CD101: variants seen among roughly 807,000 people sequenced by gnomAD.
The protein encoded by CD101 is immunoglobulin superfamily member 2.
In CD101, 76 loss-of-function variants were observed where a neutral mutation model predicts 98.2. The observed-to-expected ratio is 0.77, with a 90% CI of 0.64 to 0.94. The LOEUF (loss-of-function observed/expected upper bound fraction) is 0.94. CD101 is among the 40% of genes least tolerant of loss of function. CD101 has a pLI of 0.00. For missense variants in CD101, 1,145 were observed against 1,218.8 expected (o/e 0.94, Z 0.90); for synonymous variants, 471 against 472.7 (o/e 1.00, Z 0.05).
chr1:117,034,846 G>A (rs906290251), intron 9 of CD101, among the ~76,000 whole-genome samples: 17 of 152,042 alleles, frequency 1.1e-4, no homozygotes, highest in Admixed American at 4.6e-4. Context: ...CCAAGGCCTC[G>A]TACCCCTGCT....
intron 4 of CD101, among the ~76,000 whole-genome samples, chr1:117,014,806 A>G (rs1283162848): frequency 6.6e-6 from 1 of 152,218 alleles, no homozygotes; most frequent in Non-Finnish European, 1.5e-5. Flanking sequence ...TATGCCATTT[A>G]CTAGGAATGA....
Position 117,022,026 on chromosome 1 carries a change from C to T in CD101, c.2428+43C>T, listed in dbSNP as rs375637332. On this transcript the variant is annotated intron_variant, in intron 7 of 9. Transcript: ENST00000682167. The surrounding 1 kb of genome is among the most constrained non-coding windows in gnomAD (Gnocchi z 4.8). ...ATCCTCACAATGTCTGTCTGTCTGACGGCTGTTTTCTCTTGGGCAGCTGTT... is the reference window on the plus strand; with the variant it reads ...ATCCTCACAATGTCTGTCTGTCTGATGGCTGTTTTCTCTTGGGCAGCTGTT... 5.2e-5 allele frequency: 80 copies of T among 1,549,206 alleles called. No homozygotes were observed. Among genetic ancestry groups the T allele is most frequent in the South Asian group, 1.8e-4 (14 of 78,916 alleles).
At chr1:117,029,068 A>AAAGG (rs965299121) in intron 8 of CD101, among the ~76,000 whole-genome samples, 2 of 150,876 alleles carry the variant, frequency 1.3e-5, no homozygotes, top group African/African-American at 4.9e-5. Flanking sequence ...AGAGAGAGAG[A>AAAGG]AAGGAAGGAA....
intron 8 of CD101, chr1:117,026,432 G>C (rs1284501890): frequency 6.6e-6 from 1 of 152,526 alleles, no homozygotes; most frequent in Non-Finnish European, 1.5e-5. Context: ...GAAGCTATCC[G>C]ATTTGTTCCT....
chr1:117,028,086 AAAAT>A (rs993753842), intron 8 of CD101, among the ~76,000 whole-genome samples: 42 of 149,006 alleles, frequency 2.8e-4, no homozygotes, highest in East Asian at 1.6e-3. Context: ...ACTCTGTCTC[AAAAT>A]AAATAAATAA....
chr1:117,020,417 A>C (rs1653509818), intron 6 of CD101, among the ~76,000 whole-genome samples: 1 of 152,102 alleles, frequency 6.6e-6, no homozygotes, highest in Non-Finnish European at 1.5e-5. Flanking sequence ...GGTGGCGTGC[A>C]CCTGTAGTCC....
In CD101 at chr1:117,013,501, C is replaced by A; in HGVS notation, c.937C>A (p.Pro313Thr). Residue 313 changes from proline (P) to threonine (T), a missense_variant, in exon 4 of 10, where the codon CCA (proline) becomes ACA (threonine). Coordinates refer to ENST00000682167, the MANE Select transcript of CD101 (RefSeq NM_001256106.3). ...CCTGGTTGTAAGCAGTGGCCGTGACCCACAGCTTCAAGGCATTTGGTTCTT... is the reference window on the plus strand; with the variant it reads ...CCTGGTTGTAAGCAGTGGCCGTGACACACAGCTTCAAGGCATTTGGTTCTT... ...VCLVVSSGRDPQLQGIWFFNG... is the reference protein window; with the variant it reads ...VCLVVSSGRDTQLQGIWFFNG... 1 of 1,614,136 alleles carries A rather than the reference C, an allele frequency of 6.2e-7. No homozygotes were observed.
Position 117,005,967 on chromosome 1 carries a change from T to G in CD101, c.44-3883T>G, listed in dbSNP as rs1273426263. Among the ~76,000 whole-genome samples, 1 of 152,134 alleles carries G rather than the reference T, an allele frequency of 6.6e-6. No homozygotes were observed. The highest frequency in any genetic ancestry group is 2.4e-5 in the African/African-American group (1 of 41,442). ...TATAATTTATATGTAAATATAAATA[T>G]CTATATTTAAATATTTCAAAATGTT... On this transcript the variant is annotated intron_variant, in intron 1 of 9. Transcript: ENST00000682167. The surrounding 1 kb of genome is among the most constrained non-coding windows in gnomAD (Gnocchi z 4.4).
At chr1:117,009,767 A>G (rs1557765238) in intron 1 of CD101, 83 bp from the exon 2 acceptor site, 4 of 1,405,654 alleles carry the variant, frequency 2.8e-6, no homozygotes, top group South Asian at 1.4e-5. Context: ...CAGAATTGTA[A>G]TACAGGGAAA....
Position 117,017,297 on chromosome 1 carries a change from G to C in CD101, c.1436G>C (p.Ser479Thr). The change falls in exon 5 of 10, where the codon AGT becomes ACT. Residue 479 changes from serine (S) to threonine (T), a missense_variant. Ser to Thr is a moderately conservative substitution (Grantham distance 58). Transcript: ENST00000682167. ...CTGGGTGCCTCCTATGGGGTACCCA[G>C]TTACCATGGCAACACAAGGCTGGAG... ...VQLGASYGVP[S>T]YHGNTRLEKM... is the part of the protein sequence containing the mutation. 1 of 1,614,252 alleles carries C rather than the reference G, an allele frequency of 6.2e-7. No individual in the cohort carries two copies. The highest frequency in any genetic ancestry group is 1.1e-5 in the South Asian group (1 of 91,082).
chr1:117,021,794 A>G lies in CD101; in HGVS notation c.2239A>G (p.Arg747Gly), dbSNP rs146628892. Reference sequence around the variant, plus strand: ...TGGGGATGAGTTTCACACCCCACAGAGAAAACAAAAATTTCATACTGAGAA... The same window carrying G: ...TGGGGATGAGTTTCACACCCCACAGGGAAAACAAAAATTTCATACTGAGAA... ...KTGDEFHTPQRKQKFHTEKVS... is the reference protein window; with the variant it reads ...KTGDEFHTPQGKQKFHTEKVS... The change falls in exon 7 of 10, where the codon AGA (arginine) becomes GGA (glycine). Residue 747 changes from arginine to glycine, a missense_variant. Arg to Gly is a moderately radical substitution (Grantham distance 125). Transcript: ENST00000682167. The surrounding 1 kb of genome is among the most constrained non-coding windows in gnomAD (Gnocchi z 4.7). 1.1e-4 allele frequency: 179 copies of G among 1,614,222 alleles called. No individual in the cohort carries two copies. In the African/African-American group the frequency reaches 1.9e-3, roughly 18 times the overall value.
At position 117,008,734 on chromosome 1, in the gene CD101, A is replaced by T. The variant is rs60908129; in HGVS notation, c.44-1116A>T. On this transcript the variant is annotated intron_variant, in intron 1 of 9. Transcript: ENST00000682167. ...TTCCTTTCCCTCACTTTTTTTTTCC[A>T]CTCTGGTCTCCTTACTCTTTGTCCC... 5.6e-3 allele frequency among the ~76,000 whole-genome samples: 834 copies of T among 148,422 alleles called. 13 individuals are homozygous for T. The highest frequency in any genetic ancestry group is 0.02 in the African/African-American group (789 of 40,192).
chr1:117,004,220 A>C lies in CD101; in HGVS notation c.43+2360A>C, dbSNP rs1372329963. Among the ~76,000 whole-genome samples, 1 of 152,202 alleles carries C rather than the reference A, an allele frequency of 6.6e-6. No individual in the cohort carries two copies. The highest frequency in any genetic ancestry group is 2.4e-5 in the African/African-American group (1 of 41,448). ...ATGAAAAATAAAAAAGATTCCACTT[A>C]GTATGGATGGAAGCTATCTCAGCCT... On this transcript the variant is annotated intron_variant, in intron 1 of 9. Coordinates refer to ENST00000682167, the MANE Select transcript of CD101 (RefSeq NM_001256106.3). This position sits in a 1 kb window ranked among gnomAD's most constrained non-coding sequence, Gnocchi z 4.1.
intron 8 of CD101, among the ~76,000 whole-genome samples, chr1:117,029,035 G>C (rs1186560602): frequency 6.6e-6 from 1 of 151,010 alleles, no homozygotes; most frequent in Non-Finnish European, 1.5e-5. Context: ...GAGAAAGCCA[G>C]CAGAAAGAAA....
chr1:117,034,836 C>G (rs749284845), intron 9 of CD101, among the ~76,000 whole-genome samples: 2 of 152,172 alleles, frequency 1.3e-5, no homozygotes, highest in East Asian at 1.9e-4. Flanking sequence ...AGTCAGCCCC[C>G]CAAGGCCTCG....
intron 6 of CD101, among the ~76,000 whole-genome samples, chr1:117,020,212 A>G (rs537826515): frequency 1.3e-4 from 20 of 152,218 alleles, no homozygotes; most frequent in African/African-American, 3.6e-4. Context: ...AGGCACTTCT[A>G]TATACCTCTG....
chr1:117,018,494 T>C lies in CD101; in HGVS notation c.1951T>C (p.Tyr651His), dbSNP rs34882009. ...AGAAGTTTATGACAGAAATTCCCTA[T>C]ACAACAACCGCCCCCCGAGGGCTTC... Reference protein sequence around the residue: ...EVEVYDRNSLYNNRPPRASAI... With the variant: ...EVEVYDRNSLHNNRPPRASAI... The change falls in exon 6 of 10, where the codon TAC (tyrosine) becomes CAC (histidine). Residue 651 changes from tyrosine (Y) to histidine (H), a missense_variant. Transcript: ENST00000682167. The surrounding 1 kb of genome is among the most constrained non-coding windows in gnomAD (Gnocchi z 4.3). The C allele has an allele frequency of 2.3e-5, 37 of 1,613,794 alleles. No individual in the cohort carries two copies. The East Asian group carries it at 8.0e-4, about 35-fold the overall frequency.
intron 5 of CD101, 67 bp downstream of exon 5, chr1:117,017,540 A>G: frequency 1.3e-6 from 2 of 1,501,494 alleles, no homozygotes; most frequent in Non-Finnish European, 1.8e-6. Flanking sequence ...GTGGAACTGG[A>G]TTGCGTGTTA....
chr1:117,013,159 C>G (rs894739863), intron 3 of CD101, among the ~76,000 whole-genome samples: 2 of 152,182 alleles, frequency 1.3e-5, no homozygotes, highest in African/African-American at 2.4e-5. Flanking sequence ...GTGCATACAT[C>G]TTGCTTACTA....
Sources: allele counts gnomAD v4.1 joint callset (sites outside exome capture counted in the v4.1 genomes callset), GRCh38; gene constraint gnomAD v4.1.1; non-coding constraint Gnocchi (gnomAD v3.1); transcripts MANE v1.5; gene names NCBI Gene and HGNC (gene_info 2026-07-23, HGNC 2026-07-21).